Variants in PKHD1L1 observed in about 807,000 individuals in gnomAD.
PKHD1L1 encodes the protein fibrocystin-L.
Under a neutral mutation model 462.9 loss-of-function variants are expected in PKHD1L1, and 434 were observed. The observed-to-expected ratio is 0.94, with a 90% CI of 0.87 to 1.02. The LOEUF (loss-of-function observed/expected upper bound fraction) is 1.02. Ranked by LOEUF, PKHD1L1 falls within the 50% of genes least tolerant of loss-of-function variation. The probability of loss-of-function intolerance (pLI) is 0.00; values close to 1 mark genes in which losing one functional copy is unlikely to be tolerated. For synonymous variants in PKHD1L1, 1,781 were observed against 1,750.0 expected (o/e 1.02, Z -0.44); for missense variants, 5,202 against 5,096.1 (o/e 1.02, Z -0.63).
At chr8:109,474,316 A>G (rs1156980611) in intron 50 of PKHD1L1, among the ~76,000 whole-genome samples, 1 of 152,134 alleles carries the variant, frequency 6.6e-6, no homozygotes, top group Non-Finnish European at 1.5e-5. Flanking sequence ...AGGAAGGGGG[A>G]GAAAAATAGA....
Position 109,518,503 on chromosome 8 carries a change from C to A in PKHD1L1, c.12026C>A (p.Thr4009Asn), listed in dbSNP as rs777618721. ...CCTATTCAGTTCATAAGCAATGGCA[C>A]CACAGGTATGAATAACAGGTGTTTG... is the stretch of plus-strand genomic sequence containing the variant. ...DPPIQFISNG[T>N]TGQMQLSELQ... Residue 4009 changes from threonine to asparagine, a missense_variant, in exon 73 of 78, where the codon ACC (threonine) becomes AAC (asparagine). Physicochemically the swap from Thr to Asn is moderately conservative, Grantham distance 65. Transcript: ENST00000378402. The A allele has an allele frequency of 1.0e-5, 16 of 1,593,268 alleles. No individual in the cohort carries two copies. The Admixed American group carries it at 2.7e-4, about 27-fold the overall frequency.
chr8:109,391,954 C>A (rs1812733686), intron 9 of PKHD1L1, among the ~76,000 whole-genome samples: 1 of 151,968 alleles, frequency 6.6e-6, no homozygotes, highest in Non-Finnish European at 1.5e-5. Context: ...TAGGCTAGAC[C>A]AAAACTAAGA....
At chr8:109,453,242 T>C (rs1168716269) in intron 43 of PKHD1L1, among the ~76,000 whole-genome samples, 2 of 152,168 alleles carry the variant, frequency 1.3e-5, no homozygotes, top group Non-Finnish European at 2.9e-5. Flanking sequence ...TTTTCCACTT[T>C]GAAAAACACT....
At chr8:109,508,470 T>C (rs1486869519) in intron 70 of PKHD1L1, among the ~76,000 whole-genome samples, 1 of 151,746 alleles carries the variant, frequency 6.6e-6, no homozygotes, top group Non-Finnish European at 1.5e-5. Flanking sequence ...TTATTTAAAA[T>C]TGGGCATTAA....
At chr8:109,395,271 A>G (rs1249910185) in intron 10 of PKHD1L1, among the ~76,000 whole-genome samples, 1 of 152,204 alleles carries the variant, frequency 6.6e-6, no homozygotes, top group Non-Finnish European at 1.5e-5. Flanking sequence ...ATTTAATTTA[A>G]AGAGGTTTCA....
chr8:109,451,104 G>A lies in PKHD1L1; in HGVS notation c.6305G>A (p.Ser2102Asn), dbSNP rs756687508. 8.1e-6 allele frequency: 13 copies of A among 1,613,010 alleles called. No individual in the cohort carries two copies. The African/African-American group carries it at 1.6e-4, about 20-fold the overall frequency. ...ACTGCAGTATCTCCTAAGAGAGGCAGTACAGCAGGGGGCACCAGACTGACA... is the reference window on the plus strand; with the variant it reads ...ACTGCAGTATCTCCTAAGAGAGGCAATACAGCAGGGGGCACCAGACTGACA... ...LITAVSPKRG[S>N]TAGGTRLTVV... Residue 2102 changes from serine (S) to asparagine (N), a missense_variant, in exon 41 of 78, where the codon AGT (serine) becomes AAT (asparagine). By Grantham distance (46) the Ser-to-Asn change is conservative. Coordinates refer to ENST00000378402, the MANE Select transcript of PKHD1L1 (RefSeq NM_177531.6).
At chr8:109,411,638 T>C (rs868350023) in intron 19 of PKHD1L1, among the ~76,000 whole-genome samples, 30 of 152,186 alleles carry the variant, frequency 2.0e-4, no homozygotes, top group Non-Finnish European at 1.5e-4. Context: ...CCCAGCACCA[T>C]GCTCTCTCAC....
chr8:109,458,632 C>T (rs1452582355), intron 46 of PKHD1L1, among the ~76,000 whole-genome samples: 1 of 151,996 alleles, frequency 6.6e-6, no homozygotes, highest in Admixed American at 6.6e-5. Context: ...GAGAGAGCTG[C>T]TTTGAATCTA....
chr8:109,512,286 AT>A (rs1478636072), intron 71 of PKHD1L1, among the ~76,000 whole-genome samples: 1 of 151,908 alleles, frequency 6.6e-6, no homozygotes, highest in Non-Finnish European at 1.5e-5. Context: ...TATGTCCTGA[AT>A]GGTAATGCCT....
chr8:109,436,522 AT>A, intron 30 of PKHD1L1, 63 bp downstream of exon 30: 1 of 1,586,962 alleles, frequency 6.3e-7, no homozygotes, highest in East Asian at 2.3e-5. Flanking sequence ...ATTAGGAAAC[AT>A]CTCAGTGGGG....
At chr8:109,437,162 C>A (rs11994565) in intron 30 of PKHD1L1, among the ~76,000 whole-genome samples, 5,844 of 152,216 alleles carry the variant, frequency 0.038, 344 homozygotes, top group African/African-American at 0.13. Flanking sequence ...GATCCACCCC[C>A]CTCAGCCTCC....
intron 45 of PKHD1L1, among the ~76,000 whole-genome samples, chr8:109,455,319 T>C (rs1210202005): frequency 1.3e-5 from 2 of 152,112 alleles, no homozygotes; most frequent in Admixed American, 1.3e-4. Flanking sequence ...GGCTGGGCAA[T>C]AGAGTGAGAC....
Position 109,445,390 on chromosome 8 carries a change from G to A in PKHD1L1, c.5521G>A (p.Gly1841Arg), listed in dbSNP as rs1816076583. Residue 1841 changes from glycine (G) to arginine (R), a missense_variant, in exon 38 of 78, where the codon GGA becomes AGA. Gly to Arg is a moderately radical substitution (Grantham distance 125, BLOSUM62 -2). This residue lies in a region of PKHD1L1 where 4,497 missense variants were observed against 4,336.8 expected (regional missense o/e 1.04). Coordinates refer to ENST00000378402, the MANE Select transcript of PKHD1L1 (RefSeq NM_177531.6). ...AGTAGCATCTCTATCACCAACTTCTGGAAGCATTGGTGGTGGAACTACACT... is the reference window on the plus strand; with the variant it reads ...AGTAGCATCTCTATCACCAACTTCTAGAAGCATTGGTGGTGGAACTACACT... ...PPVASLSPTS[G>R]SIGGGTTLVI... 3.1e-6 allele frequency: 5 copies of A among 1,613,760 alleles called. No homozygotes were observed. The highest frequency in any genetic ancestry group is 3.3e-5 in the Admixed American group (2 of 59,974).
intron 19 of PKHD1L1, among the ~76,000 whole-genome samples, chr8:109,410,903 A>G (rs1813823871): frequency 6.7e-6 from 1 of 149,868 alleles, no homozygotes; most frequent in Non-Finnish European, 1.5e-5. Flanking sequence ...TAATTTTTGT[A>G]TTTTTAGTAG....
chr8:109,412,301 G>T lies in PKHD1L1; in HGVS notation c.2122G>T (p.Asp708Tyr), dbSNP rs141754255. Residue 708 changes from aspartate (D) to tyrosine (Y), a missense_variant, in exon 20 of 78, where the codon GAT (aspartate) becomes TAT (tyrosine). By Grantham distance (160) the Asp-to-Tyr change is radical. This residue lies in a region of PKHD1L1 where 4,497 missense variants were observed against 4,336.8 expected (regional missense o/e 1.04). Transcript: ENST00000378402. ...CAGAGGGCAGAAGACAGCTGAAACC[G>T]ATGCTTACTGTGGTCGTTATTCCCT... ...INRGQKTAET[D>Y]AYCGRYSLKN... 43 of 1,613,614 alleles carry T rather than the reference G, an allele frequency of 2.7e-5. No individual in the cohort carries two copies. Among genetic ancestry groups the T allele is most frequent in the Non-Finnish European group, 3.5e-5 (41 of 1,179,756 alleles).
chr8:109,482,587 G>A (rs1009879178), intron 56 of PKHD1L1, among the ~76,000 whole-genome samples: 2 of 151,562 alleles, frequency 1.3e-5, no homozygotes, highest in Non-Finnish European at 3.0e-5. Flanking sequence ...TTTTCTCAGT[G>A]AACATATTAT....
chr8:109,454,627 A>G (rs1816716661), intron 44 of PKHD1L1, 96 bp from the exon 45 acceptor site: 3 of 1,494,068 alleles, frequency 2.0e-6, no homozygotes. Context: ...AATTCTCAAA[A>G]GAGAAGAGAG....
Position 109,404,582 on chromosome 8 carries a change from T to C in PKHD1L1, c.1402T>C (p.Tyr468His). 6.3e-7 allele frequency: 1 copy of C among 1,583,730 alleles called. No individual in the cohort carries two copies. The highest frequency in any genetic ancestry group is 1.7e-4 in the Middle Eastern group (1 of 5,958). The change falls in exon 15 of 78, where the codon TAC becomes CAC. Residue 468 changes from tyrosine to histidine, a missense_variant. Physicochemically the swap from Tyr to His is moderately conservative, Grantham distance 83. Around this residue, in one of 3 missense-constraint regions of PKHD1L1, gnomAD observed 4,497 missense variants for 4,336.8 expected, o/e 1.04. Transcript: ENST00000378402. ...CTATATTGAAATCTTGCTGCAGGAGTACAGATTAAGTGCATTTGTTGATGT... is the reference window on the plus strand; with the variant it reads ...CTATATTGAAATCTTGCTGCAGGAGCACAGATTAAGTGCATTTGTTGATGT... ...EYYIEILLQE[Y>H]RLSAFVDVGL...
In PKHD1L1 at chr8:109,526,790, A is replaced by C; in HGVS notation, c.12491A>C (p.Asn4164Thr). 6.5e-7 allele frequency: 1 copy of C among 1,546,688 alleles called. No individual in the cohort carries two copies. The highest frequency in any genetic ancestry group is 8.7e-7 in the Non-Finnish European group (1 of 1,144,558). Residue 4164 changes from asparagine (N) to threonine (T), a missense_variant, in exon 77 of 78, where the codon AAT becomes ACT. Asn to Thr is a moderately conservative substitution (Grantham distance 65, BLOSUM62 0). Around this residue, in one of 3 missense-constraint regions of PKHD1L1, gnomAD observed 698 missense variants for 736.3 expected, o/e 0.95. Transcript: ENST00000378402. ...TGATGCTTTTTTTTTCCAGGAAAAAATTATAAGATTGAATTTATACTGGAT... is the reference window on the plus strand; with the variant it reads ...TGATGCTTTTTTTTTCCAGGAAAAACTTATAAGATTGAATTTATACTGGAT... ...TDLTPLRTGK[N>T]YKIEFILDNV...
Sources: gnomAD v4.1 joint callset for allele counts (sites outside exome capture counted in the v4.1 genomes callset) on GRCh38, gnomAD v4.1.1 for gene constraint, gnomAD v4.1.1 regional missense constraint, MANE v1.5 for transcripts, NCBI Gene and HGNC (gene_info 2026-07-23, HGNC 2026-07-21) for gene names.